Variants in C1QTNF3 observed in about 807,000 individuals in gnomAD.
C1QTNF3 encodes complement C1q tumor necrosis factor-related protein 3.
Under a neutral mutation model 32.6 loss-of-function variants are expected in C1QTNF3, and 26 were observed. The observed-to-expected ratio is 0.80, with a 90% CI of 0.58 to 1.11. The LOEUF is 1.11. Ranked by LOEUF, C1QTNF3 falls within the 50% of genes least tolerant of loss-of-function variation. The probability of loss-of-function intolerance (pLI) is 0.00; values close to 1 mark genes in which losing one functional copy is unlikely to be tolerated. For missense variants in C1QTNF3, 362 were observed against 398.2 expected (o/e 0.91, Z 0.77); for synonymous variants, 155 against 146.0 (o/e 1.06, Z -0.44).
chr5:34,218,044 T>C, the C1QTNF3 span, among the ~76,000 whole-genome samples: 10 of 150,286 alleles, frequency 6.7e-5, no homozygotes, highest in African/African-American at 4.9e-5. Context: ...GACCTCAACA[T>C]GTTCAGTTTG....
chr5:34,158,195 CT>C, the C1QTNF3 span: 2 of 152,164 alleles, frequency 1.3e-5, no homozygotes, highest in African/African-American at 4.8e-5. Context: ...CAACCTCCCC[CT>C]CCCGGGTTCA....
At chr5:34,081,164 T>C in the C1QTNF3 span, among the ~76,000 whole-genome samples, 1 of 151,680 alleles carries the variant, frequency 6.6e-6, no homozygotes, top group South Asian at 2.1e-4. Flanking sequence ...AAGATTTACT[T>C]ATATACAGTA....
chr5:34,035,624 C>A, intron 2 of C1QTNF3, 23 bp downstream of exon 2: 1 of 1,513,624 alleles, frequency 6.6e-7, no homozygotes, highest in Non-Finnish European at 9.2e-7. Context: ...ATTAGATTGA[C>A]AGTATGTCTT....
the C1QTNF3 span, among the ~76,000 whole-genome samples, chr5:34,234,591 T>C: frequency 6.6e-6 from 1 of 151,920 alleles, no homozygotes; most frequent in Admixed American, 6.6e-5. Context: ...AAAACACAAA[T>C]TATCTGTAAA....
the C1QTNF3 span, among the ~76,000 whole-genome samples, chr5:34,073,367 CAT>C: frequency 7.3e-5 from 11 of 150,912 alleles, no homozygotes; most frequent in African/African-American, 2.2e-4. Context: ...GTTAATGAAA[CAT>C]GATACATATT....
At chr5:34,049,141 C>A in the C1QTNF3 span, among the ~76,000 whole-genome samples, 2 of 152,086 alleles carry the variant, frequency 1.3e-5, no homozygotes, top group Non-Finnish European at 1.5e-5. Flanking sequence ...TCTAAGATGA[C>A]CTGCTAACTG....
At chr5:34,027,735 C>CAAAAAAAAAA (rs34375086) in intron 4 of C1QTNF3, among the ~76,000 whole-genome samples, 1 of 81,054 alleles carries the variant, frequency 1.2e-5, no homozygotes. Context: ...CCACCACCAC[C>CAAAAAAAAAA]AAAAAAAAAA....
the C1QTNF3 span, among the ~76,000 whole-genome samples, chr5:34,128,764 T>C: frequency 6.6e-6 from 1 of 152,222 alleles, no homozygotes. Context: ...AACCCCATTG[T>C]AACTAATCTG....
chr5:34,077,391 AAAC>A, the C1QTNF3 span, among the ~76,000 whole-genome samples: 25 of 151,814 alleles, frequency 1.6e-4, 1 homozygote, highest in East Asian at 7.7e-4. Flanking sequence ...AAAACACATT[AAAC>A]AACAACAACA....
the C1QTNF3 span, among the ~76,000 whole-genome samples, chr5:34,221,854 T>C: frequency 2.6e-5 from 4 of 152,156 alleles, no homozygotes; most frequent in African/African-American, 4.8e-5. Flanking sequence ...GAACTTGGCA[T>C]GAGGACTAGA....
At chr5:34,221,853 A>G in the C1QTNF3 span, among the ~76,000 whole-genome samples, 1 of 152,054 alleles carries the variant, frequency 6.6e-6, no homozygotes, top group Non-Finnish European at 1.5e-5. Flanking sequence ...AGAACTTGGC[A>G]TGAGGACTAG....
At chr5:34,207,379 C>T in the C1QTNF3 span, among the ~76,000 whole-genome samples, 4 of 151,682 alleles carry the variant, frequency 2.6e-5, no homozygotes, top group Non-Finnish European at 4.4e-5. Flanking sequence ...TCTCTCCCTC[C>T]ATGCTGTCTC....
the C1QTNF3 span, among the ~76,000 whole-genome samples, chr5:34,144,845 T>C: frequency 5.9e-5 from 9 of 152,008 alleles, no homozygotes; most frequent in Non-Finnish European, 1.2e-4. Context: ...ATCTCAAATA[T>C]CAGTAAAAAT....
chr5:34,228,721 T>G, the C1QTNF3 span, among the ~76,000 whole-genome samples: 1 of 152,072 alleles, frequency 6.6e-6, no homozygotes, highest in South Asian at 2.1e-4. Context: ...ATCCATTGTT[T>G]GTCATATTTA....
At chr5:34,227,868 C>T in the C1QTNF3 span, among the ~76,000 whole-genome samples, 2 of 151,924 alleles carry the variant, frequency 1.3e-5, no homozygotes, top group Non-Finnish European at 2.9e-5. Context: ...CCTAGCAAAA[C>T]TGTAAAATGT....
At chr5:34,085,053 C>T in the C1QTNF3 span, among the ~76,000 whole-genome samples, 3 of 130,092 alleles carry the variant, frequency 2.3e-5, no homozygotes, top group South Asian at 7.2e-4. Flanking sequence ...TACAGTGGTG[C>T]AATCTCGGCT....
At chr5:34,143,658 A>G in the C1QTNF3 span, among the ~76,000 whole-genome samples, 10 of 152,228 alleles carry the variant, frequency 6.6e-5, no homozygotes, top group Non-Finnish European at 1.2e-4. Flanking sequence ...GGAAATTCCA[A>G]TGAAGACTTT....
the C1QTNF3 span, among the ~76,000 whole-genome samples, chr5:34,169,796 G>A: frequency 6.6e-6 from 1 of 152,146 alleles, no homozygotes; most frequent in South Asian, 2.1e-4. Context: ...TGGTGAGGAT[G>A]TAGGGAACTT....
the C1QTNF3 span, among the ~76,000 whole-genome samples, chr5:34,156,485 G>T: frequency 6.6e-6 from 1 of 152,176 alleles, no homozygotes; most frequent in African/African-American, 2.4e-5. Flanking sequence ...AAACTGGTCA[G>T]TTAATGCAAT....
Sources: gnomAD v4.1 joint callset for allele counts (sites outside exome capture counted in the v4.1 genomes callset) on GRCh38, gnomAD v4.1.1 for gene constraint, MANE v1.5 for transcripts, NCBI Gene and HGNC (gene_info 2026-07-23, HGNC 2026-07-21) for gene names.